RANBP17: variants seen among roughly 807,000 people sequenced by gnomAD.
RANBP17 encodes ran-binding protein 17.
A neutral mutation model predicts 141.2 loss-of-function variants in RANBP17; 158 were observed. That is an observed-to-expected ratio of 1.12 (90% CI 0.98 to 1.28). The LOEUF (loss-of-function observed/expected upper bound fraction) is 1.28, where lower values mean the gene tolerates loss of function less well. Among genes scored for constraint, RANBP17 ranks in the 50% most tolerant of loss-of-function variants. The pLI is 0.00. For synonymous variants in RANBP17, 430 were observed against 450.0 expected (o/e 0.96, Z 0.56); for missense variants, 1,438 against 1,290.7 (o/e 1.11, Z -1.75).
At chr5:171,165,682 T>C (rs80026884) in intron 14 of RANBP17, among the ~76,000 whole-genome samples, 8,036 of 152,230 alleles carry the variant, frequency 0.053, 262 homozygotes, top group East Asian at 0.12. Context: ...GAAATAGACA[T>C]TTCCCCTGCA....
At position 171,115,655 on chromosome 5, in the gene RANBP17, T is replaced by TTA. The variant is rs1322461298; in HGVS notation, c.1711-54470_1711-54469dup. Among the ~76,000 whole-genome samples, 5 of 152,330 alleles carry TTA rather than the reference T, an allele frequency of 3.3e-5. No individual in the cohort carries two copies. The East Asian group carries it at 7.7e-4, about 23-fold the overall frequency. On this transcript the variant is annotated intron_variant, in intron 14 of 27. Coordinates refer to ENST00000523189, the MANE Select transcript of RANBP17 (RefSeq NM_022897.5). ...GGAATGCTTTGTAGGTCTGCCTTAC[T>TTA]TATATACTTAGTGCACAATCTAACG...
At chr5:171,148,606 A>G (rs1349202425) in intron 14 of RANBP17, among the ~76,000 whole-genome samples, 1 of 149,948 alleles carries the variant, frequency 6.7e-6, no homozygotes, top group African/African-American at 2.5e-5. Context: ...ATTGATATAT[A>G]TATATATATA....
chr5:171,251,354 A>T (rs997196791), intron 24 of RANBP17, among the ~76,000 whole-genome samples: 3 of 152,130 alleles, frequency 2.0e-5, no homozygotes, highest in Non-Finnish European at 4.4e-5. Context: ...TGCTGGAATT[A>T]CAGGCATGAG....
intron 14 of RANBP17, among the ~76,000 whole-genome samples, chr5:171,057,905 G>C (rs1783516117): frequency 6.6e-6 from 1 of 152,084 alleles, no homozygotes; most frequent in Non-Finnish European, 1.5e-5. Context: ...TTGACACATG[G>C]AGATTATGGG....
At chr5:171,099,272 T>G (rs930636232) in intron 14 of RANBP17, among the ~76,000 whole-genome samples, 53 of 152,300 alleles carry the variant, frequency 3.5e-4, no homozygotes, top group Non-Finnish European at 4.4e-5. Flanking sequence ...CATTTTTTTG[T>G]GTTGTCTCTT....
At chr5:170,876,570 T>C (rs1160833470) in intron 1 of RANBP17, among the ~76,000 whole-genome samples, 1 of 152,192 alleles carries the variant, frequency 6.6e-6, no homozygotes, top group African/African-American at 2.4e-5. Flanking sequence ...ATCAGCCTAT[T>C]TGAAATCTTA....
Position 171,004,909 on chromosome 5 carries a change from A to T in RANBP17, c.1710+36532A>T, listed in dbSNP as rs535004104. Among the ~76,000 whole-genome samples the T allele has an allele frequency of 7.2e-5, 11 of 152,248 alleles. No individual in the cohort carries two copies. The South Asian group carries it at 2.1e-3, about 29-fold the overall frequency. On this transcript the variant is annotated intron_variant, in intron 14 of 27. Coordinates refer to ENST00000523189, the MANE Select transcript of RANBP17 (RefSeq NM_022897.5). ...CTGCGAGCTGTGGCTTGGATGTTCT[A>T]AAGTTCTTGCATGCTAGAGATGTGG...
chr5:171,099,773 T>G (rs1178502155), intron 14 of RANBP17, among the ~76,000 whole-genome samples: 4 of 152,198 alleles, frequency 2.6e-5, no homozygotes, highest in Non-Finnish European at 5.9e-5. Context: ...TTGAGATATG[T>G]TCCGTCAGTT....
intron 5 of RANBP17, among the ~76,000 whole-genome samples, chr5:170,908,531 G>A (rs1184766024): frequency 6.6e-6 from 1 of 150,928 alleles, no homozygotes; most frequent in Non-Finnish European, 1.5e-5. Flanking sequence ...GAGATAGAAA[G>A]GGGTAAAGGT....
chr5:170,997,831 C>T lies in RANBP17; in HGVS notation c.1710+29454C>T, dbSNP rs148651926. 4.8e-3 allele frequency among the ~76,000 whole-genome samples: 733 copies of T among 152,140 alleles called. 5 individuals are homozygous for T. Among genetic ancestry groups the T allele is most frequent in the African/African-American group, 0.017 (692 of 41,522 alleles). On this transcript the variant is annotated intron_variant, in intron 14 of 27. Transcript: ENST00000523189. ...TATGACAATAGGAGGAACAAAAGCA[C>T]CATAAGGAAATGAACCAAAATGTTC...
intron 12 of RANBP17, among the ~76,000 whole-genome samples, chr5:170,949,554 A>G (rs1040919329): frequency 6.6e-6 from 1 of 152,208 alleles, no homozygotes; most frequent in Non-Finnish European, 1.5e-5. Context: ...TAGGATGGAT[A>G]TAATAAAAAA....
At chr5:171,248,102 A>C (rs1334642784) in intron 24 of RANBP17, among the ~76,000 whole-genome samples, 1 of 152,144 alleles carries the variant, frequency 6.6e-6, no homozygotes, top group Non-Finnish European at 1.5e-5. Context: ...CGCGTTGGCT[A>C]ACGCCTGTAA....
chr5:171,093,572 CAA>C (rs753625626), intron 14 of RANBP17, among the ~76,000 whole-genome samples: 5 of 152,138 alleles, frequency 3.3e-5, no homozygotes, highest in Non-Finnish European at 5.9e-5. Flanking sequence ...TTTTCAGAGA[CAA>C]AAGACAAATA....
At chr5:171,214,864 T>C (rs1220031377) in intron 21 of RANBP17, among the ~76,000 whole-genome samples, 2 of 152,128 alleles carry the variant, frequency 1.3e-5, no homozygotes, top group African/African-American at 4.8e-5. Context: ...TTATAAAGTA[T>C]TTTATGTCAG....
chr5:171,019,406 TA>T (rs1780689816), intron 14 of RANBP17, among the ~76,000 whole-genome samples: 1 of 152,160 alleles, frequency 6.6e-6, no homozygotes, highest in Non-Finnish European at 1.5e-5. Context: ...TTTTTGTTGG[TA>T]GGCTATGAAT....
chr5:171,007,741 C>G (rs191640564), intron 14 of RANBP17, among the ~76,000 whole-genome samples: 1 of 151,994 alleles, frequency 6.6e-6, no homozygotes, highest in African/African-American at 2.4e-5. Context: ...GAACCATTGT[C>G]GAGTTTGTAC....
chr5:170,996,115 T>C (rs560829038), intron 14 of RANBP17, among the ~76,000 whole-genome samples: 18 of 152,308 alleles, frequency 1.2e-4, no homozygotes, highest in African/African-American at 3.6e-4. Flanking sequence ...AATAATTTTA[T>C]TTTTAAGAAA....
At chr5:171,113,094 A>G (rs1755364954) in intron 14 of RANBP17, among the ~76,000 whole-genome samples, 2 of 152,138 alleles carry the variant, frequency 1.3e-5, no homozygotes, top group African/African-American at 2.4e-5. Flanking sequence ...TGTGTACAGC[A>G]TAATTGTAAT....
intron 14 of RANBP17, among the ~76,000 whole-genome samples, chr5:171,104,984 A>G (rs1754683661): frequency 6.6e-6 from 1 of 152,210 alleles, no homozygotes; most frequent in Non-Finnish European, 1.5e-5. Flanking sequence ...TATATAAATG[A>G]TGGCCTTTAT....
Sources: allele counts gnomAD v4.1 joint callset (sites outside exome capture counted in the v4.1 genomes callset), GRCh38; gene constraint gnomAD v4.1.1; transcripts MANE v1.5; gene names NCBI Gene and HGNC (gene_info 2026-07-23, HGNC 2026-07-21).